The following WWC1 variants were observed in gnomAD, a reference collection of about 807,000 sequenced individuals.
WWC1 encodes the protein WW and C2 domain containing 1.
In WWC1, 55 loss-of-function variants were observed where a neutral mutation model predicts 138.4. That is an observed-to-expected ratio of 0.40 (90% CI 0.32 to 0.50). The LOEUF is 0.50. Ranked by LOEUF, WWC1 falls within the 20% of genes least tolerant of loss-of-function variation. WWC1 has a pLI of 0.72. For synonymous variants in WWC1, 524 were observed against 564.9 expected, an observed-to-expected ratio of 0.93 and a Z score of 1.03; for missense variants, 1,226 against 1,420.4, an observed-to-expected ratio of 0.86 and a Z score of 2.20.
At chr5:168,297,620 C>G (rs1189709836) in intron 1 of WWC1, among the ~76,000 whole-genome samples, 1 of 139,944 alleles carries the variant, frequency 7.1e-6, no homozygotes, top group Admixed American at 7.5e-5. Flanking sequence ...GAGCGAAACT[C>G]CATCTCAAAA....
chr5:168,412,698 C>T (rs895137523), intron 8 of WWC1, among the ~76,000 whole-genome samples: 2 of 152,002 alleles, frequency 1.3e-5, no homozygotes, highest in Non-Finnish European at 2.9e-5. Flanking sequence ...GCAGATTCAA[C>T]CAACCAAGGA....
intron 1 of WWC1, among the ~76,000 whole-genome samples, chr5:168,331,042 T>C (rs1451214863): frequency 6.6e-6 from 1 of 152,118 alleles, no homozygotes; most frequent in Non-Finnish European, 1.5e-5. Flanking sequence ...GCTTCAGAAC[T>C]GCAGCCCTGC....
At chr5:168,348,932 A>G (rs1489012534) in intron 1 of WWC1, among the ~76,000 whole-genome samples, 2 of 152,172 alleles carry the variant, frequency 1.3e-5, no homozygotes, top group Admixed American at 6.5e-5. Context: ...TATGCTAGAC[A>G]TAATGCCTAC....
intron 1 of WWC1, among the ~76,000 whole-genome samples, chr5:168,303,523 C>G (rs77170033): frequency 2.0e-5 from 3 of 152,048 alleles, no homozygotes; most frequent in African/African-American, 7.2e-5. Flanking sequence ...GTGGGAGGAT[C>G]GCTTGATCTC....
intron 3 of WWC1, among the ~76,000 whole-genome samples, chr5:168,395,041 C>G (rs546925770): frequency 5.3e-4 from 81 of 152,318 alleles, no homozygotes; most frequent in African/African-American, 1.8e-3. Context: ...TGGTGAGAAT[C>G]TCTTCTTTTT....
intron 5 of WWC1, among the ~76,000 whole-genome samples, chr5:168,400,820 G>A (rs1174915644): frequency 8.2e-6 from 1 of 122,298 alleles, no homozygotes; most frequent in Non-Finnish European, 1.6e-5. Flanking sequence ...TTGAAAGAAT[G>A]AGAGAGAGAG....
Position 168,423,886 on chromosome 5 carries a change from C to A in WWC1, c.1628C>A (p.Pro543His), listed in dbSNP as rs751993520. 4 of 1,613,994 alleles carry A rather than the reference C, an allele frequency of 2.5e-6. No individual in the cohort carries two copies. The highest frequency in any genetic ancestry group is 1.1e-5 in the South Asian group (1 of 91,062). Residue 543 changes from proline (P) to histidine (H), a missense_variant, in exon 11 of 23, where the codon CCC (proline) becomes CAC (histidine). By Grantham distance (77) the Pro-to-His change is moderately conservative. Around this residue, in one of 3 missense-constraint regions of WWC1, gnomAD observed 1,016 missense variants for 1,153.9 expected, o/e 0.88. Transcript: ENST00000265293. Reference sequence around the variant, plus strand: ...TCCCCACGTTCCTCTCTCTCCTCCCCCTCCCCACCCTGTTCCCCTCTCATG... The same window carrying A: ...TCCCCACGTTCCTCTCTCTCCTCCCACTCCCCACCCTGTTCCCCTCTCATG... ...SLSPRSSLSS[P>H]SPPCSPLMAD...
intron 10 of WWC1, among the ~76,000 whole-genome samples, chr5:168,423,146 C>CT (rs1387715563): frequency 2.2e-5 from 2 of 88,950 alleles, no homozygotes; most frequent in East Asian, 4.5e-4. Context: ...CTCCATCCCC[C>CT]CCCAAAAAAA....
intron 19 of WWC1, among the ~76,000 whole-genome samples, chr5:168,457,460 C>T (rs1429434196): frequency 2.6e-5 from 4 of 152,132 alleles, no homozygotes; most frequent in Admixed American, 2.0e-4. Flanking sequence ...CAGCCAGCTC[C>T]GCGTGTCTCA....
chr5:168,458,930 C>T (rs759356176), intron 19 of WWC1, among the ~76,000 whole-genome samples: 7 of 152,088 alleles, frequency 4.6e-5, no homozygotes, highest in South Asian at 4.1e-4. Flanking sequence ...GGACACATAT[C>T]CTTCAAGTGC....
chr5:168,292,205 T>C lies in WWC1; in HGVS notation c.53T>C (p.Phe18Ser). 6.4e-7 allele frequency: 1 copy of C among 1,565,096 alleles called. No homozygotes were observed. Among genetic ancestry groups the C allele is most frequent in the Non-Finnish European group, 8.7e-7 (1 of 1,155,426 alleles). ...LPEGWEEARD[F>S]DGKVYYIDHT... ...GAGGGCTGGGAGGAGGCGCGCGACTTCGACGGCAAGGTCTACTACATAGAC... is the reference window on the plus strand; with the variant it reads ...GAGGGCTGGGAGGAGGCGCGCGACTCCGACGGCAAGGTCTACTACATAGAC... The change falls in exon 1 of 23, where the codon TTC becomes TCC. Residue 18 changes from phenylalanine to serine, a missense_variant. Phe to Ser is a radical substitution (Grantham distance 155). Around this residue, in one of 3 missense-constraint regions of WWC1, gnomAD observed 1,016 missense variants for 1,153.9 expected, o/e 0.88. Transcript: ENST00000265293. This position sits in a 1 kb window ranked among gnomAD's most constrained non-coding sequence, Gnocchi z 4.4.
intron 11 of WWC1, among the ~76,000 whole-genome samples, 166 bp downstream of exon 11, chr5:168,424,234 A>T (rs898629500): frequency 3.3e-5 from 5 of 152,204 alleles, no homozygotes; most frequent in African/African-American, 9.6e-5. Flanking sequence ...TTAACTCAGT[A>T]TTTTTGAGGT....
chr5:168,332,145 CAAAA>C (rs58312732), intron 1 of WWC1, among the ~76,000 whole-genome samples: 1 of 126,316 alleles, frequency 7.9e-6, no homozygotes. Flanking sequence ...GATTCTGTCT[CAAAA>C]AAAAAAAAAA....
Position 168,352,377 on chromosome 5 carries a change from A to C in WWC1, c.120-19047A>C, listed in dbSNP as rs777886742. 7.2e-5 allele frequency among the ~76,000 whole-genome samples: 11 copies of C among 152,216 alleles called. No homozygotes were observed. In the South Asian group the frequency reaches 1.2e-3, roughly 17 times the overall value. On this transcript the variant is annotated intron_variant, in intron 1 of 22. Transcript: ENST00000265293. ...TCAAATATCATTCATTGAGCTCTGCACTTTTTCCTGATACTCCACAAAGTA... is the reference window on the plus strand; with the variant it reads ...TCAAATATCATTCATTGAGCTCTGCCCTTTTTCCTGATACTCCACAAAGTA...
chr5:168,401,373 G>A (rs1779297843), intron 5 of WWC1, among the ~76,000 whole-genome samples: 2 of 152,154 alleles, frequency 1.3e-5, no homozygotes, highest in South Asian at 2.1e-4. Flanking sequence ...CTGTATGGAT[G>A]GCTGTTTCTC....
At chr5:168,409,849 A>G in intron 7 of WWC1, 73 bp from the exon 8 acceptor site, 10 of 1,497,062 alleles carry the variant, frequency 6.7e-6, no homozygotes, top group Non-Finnish European at 9.3e-6. Context: ...CAAGTCTCTC[A>G]TGAGCCCTCG....
chr5:168,386,549 C>T (rs571011671), intron 3 of WWC1, among the ~76,000 whole-genome samples: 29 of 151,848 alleles, frequency 1.9e-4, no homozygotes, highest in Non-Finnish European at 3.4e-4. Context: ...CCCGCCACCA[C>T]GCCCAGCTAA....
chr5:168,319,681 A>G lies in WWC1; in HGVS notation c.119+27410A>G, dbSNP rs113404446. On this transcript the variant is annotated intron_variant, in intron 1 of 22. Transcript: ENST00000265293. ...GCACCCAGCTCATTTTTGTACTTTT[A>G]GTAGAGACAAGGTTTTGCCACATTG... Among the ~76,000 whole-genome samples the G allele has an allele frequency of 2.9e-3, 434 of 152,230 alleles. 1 individual carries two copies. The highest frequency in any genetic ancestry group is 9.9e-3 in the African/African-American group (410 of 41,566).
At chr5:168,374,132 T>C (rs567194305) in intron 2 of WWC1, among the ~76,000 whole-genome samples, 2 of 152,118 alleles carry the variant, frequency 1.3e-5, no homozygotes, top group Non-Finnish European at 2.9e-5. Flanking sequence ...GAGCATTCAT[T>C]CATTTAGCAA....
Sources: allele counts gnomAD v4.1 joint callset (sites outside exome capture counted in the v4.1 genomes callset), GRCh38; gene constraint gnomAD v4.1.1; regional missense constraint gnomAD v4.1.1; non-coding constraint Gnocchi (gnomAD v3.1); transcripts MANE v1.5; gene names NCBI Gene and HGNC (gene_info 2026-07-23, HGNC 2026-07-21).